The following NHEJ1 variants were observed in gnomAD, a reference collection of about 807,000 sequenced individuals.
NHEJ1 encodes the protein non-homologous end-joining factor 1.
In NHEJ1, 22 loss-of-function variants were observed where a neutral mutation model predicts 39.4. The ratio of observed to expected loss-of-function variants is 0.56; its 90% CI spans 0.40 to 0.80. The LOEUF (loss-of-function observed/expected upper bound fraction) is 0.80, where lower values mean the gene tolerates loss of function less well. NHEJ1 is among the 30% of genes least tolerant of loss of function. The pLI is 0.00. For missense variants in NHEJ1, 329 were observed against 357.1 expected (o/e 0.92, Z 0.63); for synonymous variants, 154 against 135.6 (o/e 1.14, Z -0.94).
intron 5 of NHEJ1, among the ~76,000 whole-genome samples, chr2:219,094,626 C>G (rs1949189862): frequency 1.3e-5 from 2 of 152,162 alleles, no homozygotes; most frequent in Admixed American, 6.5e-5. Flanking sequence ...TCTTTTGGAT[C>G]TAGGTTTCAC....
intron 3 of NHEJ1, 43 bp downstream of exon 3, chr2:219,157,429 A>G (rs1239096318): frequency 6.5e-7 from 1 of 1,549,262 alleles, no homozygotes; most frequent in Admixed American, 1.7e-5. Context: ...CTCTCAAAGC[A>G]ACTGGCATCC....
At chr2:219,103,740 C>T (rs557242920) in intron 5 of NHEJ1, among the ~76,000 whole-genome samples, 1 of 152,310 alleles carries the variant, frequency 6.6e-6, no homozygotes, top group African/African-American at 2.4e-5. Flanking sequence ...AGAACATTAT[C>T]CCTATTTTAC....
chr2:219,080,613 GCT>G (rs1491173418), intron 5 of NHEJ1, among the ~76,000 whole-genome samples: 1 of 89,000 alleles, frequency 1.1e-5, no homozygotes, highest in Admixed American at 1.1e-4. Flanking sequence ...ATATATATAA[GCT>G]TATATATATG....
At chr2:219,146,384 T>G (rs1213085123) in intron 5 of NHEJ1, among the ~76,000 whole-genome samples, 1 of 152,212 alleles carries the variant, frequency 6.6e-6, no homozygotes, top group Non-Finnish European at 1.5e-5. Context: ...ATTTAATAAC[T>G]GGTCAACCAA....
At chr2:219,094,551 C>T (rs1488753486) in intron 5 of NHEJ1, among the ~76,000 whole-genome samples, 2 of 152,238 alleles carry the variant, frequency 1.3e-5, no homozygotes, top group Non-Finnish European at 2.9e-5. Context: ...CCTGTCCTCA[C>T]TCCTGGCTAT....
At chr2:219,128,282 G>A (rs755580526) in intron 5 of NHEJ1, among the ~76,000 whole-genome samples, 11 of 152,148 alleles carry the variant, frequency 7.2e-5, no homozygotes, top group Middle Eastern at 3.2e-3. Flanking sequence ...AATGAACAGC[G>A]TATCAAACAG....
At chr2:219,093,191 C>T (rs1287508162) in intron 5 of NHEJ1, among the ~76,000 whole-genome samples, 1 of 152,156 alleles carries the variant, frequency 6.6e-6, no homozygotes, top group African/African-American at 2.4e-5. Context: ...GAAGGTACCA[C>T]TGTCGAATAC....
chr2:219,100,103 G>A (rs1469333219), intron 5 of NHEJ1, among the ~76,000 whole-genome samples: 1 of 152,134 alleles, frequency 6.6e-6, no homozygotes, highest in African/African-American at 2.4e-5. Context: ...AGAATCTTCT[G>A]GGAACATGGC....
chr2:219,159,602 C>CATAT (rs1355012364), intron 1 of NHEJ1, among the ~76,000 whole-genome samples: 4 of 126,632 alleles, frequency 3.2e-5, no homozygotes, highest in East Asian at 2.3e-4. Context: ...TATATATATG[C>CATAT]ATATATATAC....
intron 5 of NHEJ1, among the ~76,000 whole-genome samples, chr2:219,113,580 A>T (rs956478714): frequency 3.9e-5 from 6 of 152,142 alleles, no homozygotes; most frequent in African/African-American, 1.4e-4. Context: ...ATAAGCCTCC[A>T]AGTTTAGCCA....
intron 5 of NHEJ1, among the ~76,000 whole-genome samples, chr2:219,134,236 C>T (rs577153213): frequency 3.9e-5 from 6 of 152,262 alleles, no homozygotes; most frequent in African/African-American, 1.2e-4. Flanking sequence ...CCCTTGGTGA[C>T]GGAAATAGCA....
At chr2:219,153,688 GAA>G (rs150681211) in intron 3 of NHEJ1, among the ~76,000 whole-genome samples, 17 of 35,172 alleles carry the variant, frequency 4.8e-4, no homozygotes, top group South Asian at 2.2e-3. Flanking sequence ...GAAAAAGAAA[GAA>G]AAGGGGGGGG....
At chr2:219,135,875 C>T (rs1463059684) in intron 5 of NHEJ1, among the ~76,000 whole-genome samples, 1 of 152,042 alleles carries the variant, frequency 6.6e-6, no homozygotes, top group Non-Finnish European at 1.5e-5. Flanking sequence ...TTTGATGGAG[C>T]AAAACAGAGG....
At chr2:219,145,263 C>T (rs2074159533) in intron 5 of NHEJ1, among the ~76,000 whole-genome samples, 1 of 152,120 alleles carries the variant, frequency 6.6e-6, no homozygotes. Context: ...AGACTTGAAA[C>T]CTTTTCTCTT....
intron 5 of NHEJ1, among the ~76,000 whole-genome samples, chr2:219,096,818 A>G (rs534208505): frequency 6.6e-6 from 1 of 152,324 alleles, no homozygotes; most frequent in Admixed American, 6.5e-5. Context: ...AGATGAGGTC[A>G]GAAAGATTAT....
chr2:219,124,294 G>A (rs1241283752), intron 5 of NHEJ1, among the ~76,000 whole-genome samples: 2 of 152,192 alleles, frequency 1.3e-5, no homozygotes, highest in Non-Finnish European at 2.9e-5. Context: ...GAGGAAAGCG[G>A]GCATCAGTTG....
intron 5 of NHEJ1, among the ~76,000 whole-genome samples, chr2:219,141,929 A>T (rs1462134178): frequency 2.0e-5 from 3 of 152,104 alleles, no homozygotes; most frequent in Non-Finnish European, 2.9e-5. Flanking sequence ...TTTCAAGTTA[A>T]AGCATTGCCC....
In NHEJ1 at chr2:219,077,188, T is replaced by G. The variant is rs1170318116; in HGVS notation, c.825+58A>C. On this transcript the variant is annotated intron_variant, in intron 7 of 7. Coordinates refer to ENST00000356853, the MANE Select transcript of NHEJ1 (RefSeq NM_024782.3). ...AGCAGCAATTCCAGGGACCACTGGCTTGGGGGCTATAGGTGCCAACTCTCA... is the reference window on the plus strand; with the variant it reads ...AGCAGCAATTCCAGGGACCACTGGCGTGGGGGCTATAGGTGCCAACTCTCA... The G allele has an allele frequency of 2.4e-6, 3 of 1,274,388 alleles. No homozygotes were observed. In the East Asian group the frequency reaches 6.9e-5, roughly 29 times the overall value. The allele number at this position is 1,274,388 out of a possible 1,614,324, so 78.9% of individuals were successfully genotyped here.
Position 219,117,272 on chromosome 2 carries a change from C to T in NHEJ1, c.588+29408G>A, listed in dbSNP as rs1416833658. 2.0e-5 allele frequency among the ~76,000 whole-genome samples: 3 copies of T among 152,164 alleles called. No homozygotes were observed. In the East Asian group the frequency reaches 5.8e-4, roughly 29 times the overall value. ...TTCCACCATCATGGAAATCTGAAATCCCACGAAAGAACAGTAAACATCGCA... is the reference window on the plus strand; with the variant it reads ...TTCCACCATCATGGAAATCTGAAATTCCACGAAAGAACAGTAAACATCGCA... On this transcript the variant is annotated intron_variant, in intron 5 of 7. Coordinates refer to ENST00000356853, the MANE Select transcript of NHEJ1 (RefSeq NM_024782.3).
Sources: gnomAD v4.1 joint callset for allele counts (sites outside exome capture counted in the v4.1 genomes callset) on GRCh38, gnomAD v4.1.1 for gene constraint, MANE v1.5 for transcripts, NCBI Gene and HGNC (gene_info 2026-07-23, HGNC 2026-07-21) for gene names.